The following HIVEP3 variants were observed in gnomAD, a reference collection of about 807,000 sequenced individuals.
The protein encoded by HIVEP3 is transcription factor HIVEP3.
HIVEP3 carries 49 observed loss-of-function variants against 152.8 expected under a neutral mutation model. That is an observed-to-expected ratio of 0.32 (90% confidence interval 0.26 to 0.41). The LOEUF is 0.41. HIVEP3 is among the 10% of genes least tolerant of loss of function. The pLI is 1.00. For synonymous variants in HIVEP3, 1,269 were observed against 1,289.0 expected (o/e 0.98, Z 0.33); for missense variants, 2,790 against 3,103.3 (o/e 0.90, Z 2.40).
At chr1:41,851,037 G>T (rs758160700) in intron 1 of HIVEP3, among the ~76,000 whole-genome samples, 52 of 152,008 alleles carry the variant, frequency 3.4e-4, no homozygotes, top group Non-Finnish European at 6.2e-4. Context: ...CAGTTACACT[G>T]CATCTCATCA....
rs148548472 is a variant in HIVEP3 at position 41,818,060 on chromosome 1, C to T, written c.-801+100353G>A. 1.9e-3 allele frequency among the ~76,000 whole-genome samples: 291 copies of T among 152,154 alleles called. 3 individuals carry two copies. Among genetic ancestry groups the T allele is most frequent in the African/African-American group, 6.8e-3 (283 of 41,486 alleles). ...TATGAAGACTGGGAGAAGGCATCTG[C>T]GATGTCTAAACACAACATACCATCA... On this transcript the variant is annotated intron_variant, in intron 1 of 8. Coordinates refer to ENST00000372583, the MANE Select transcript of HIVEP3 (RefSeq NM_024503.5).
At chr1:42,021,101 A>T (rs1645550748) in intron 1 of HIVEP3, among the ~76,000 whole-genome samples, 1 of 152,208 alleles carries the variant, frequency 6.6e-6, no homozygotes, top group South Asian at 2.1e-4. Flanking sequence ...TGAACAAGCA[A>T]GTAACATGAT....
At chr1:41,615,547 A>G (rs1362357472) in intron 3 of HIVEP3, among the ~76,000 whole-genome samples, 1 of 152,258 alleles carries the variant, frequency 6.6e-6, no homozygotes, top group African/African-American at 2.4e-5. Flanking sequence ...AGGCACCAAG[A>G]CTGCCCAGAA....
chr1:41,662,221 G>T lies in HIVEP3; in HGVS notation c.-720-33274C>A, dbSNP rs1319999872. ...TGGGCTGCGCGCCCGGCCTCCGCGC[G>T]GCTCGGCAGCGCCCGCGCGCTCGGC... On this transcript the variant is annotated intron_variant, in intron 2 of 8. Coordinates refer to ENST00000372583, the MANE Select transcript of HIVEP3 (RefSeq NM_024503.5). The surrounding 1 kb of genome is among the most constrained non-coding windows in gnomAD (Gnocchi z 7.2). 3 of 145,612 alleles carry T rather than the reference G, an allele frequency of 2.1e-5. No individual in the cohort carries two copies. The highest frequency in any genetic ancestry group is 4.6e-5 in the Non-Finnish European group (3 of 65,544). 9.0% of individuals were successfully genotyped at this position (145,612 alleles called of 1,614,324 possible). A position where few individuals can be genotyped will look rare whatever the true frequency, so the allele number is the denominator to read the frequency against.
intron 5 of HIVEP3, among the ~76,000 whole-genome samples, chr1:41,544,823 CACCACCATCACCACCACCACT>C (rs1643654655): frequency 5.5e-5 from 6 of 109,540 alleles, no homozygotes; most frequent in Non-Finnish European, 1.1e-4. Flanking sequence ...CCACCTCTAC[CACCACCATCACCACCACCACT>C]ACCACCACCA....
At chr1:41,953,573 A>G (rs1457074598) in intron 1 of HIVEP3, among the ~76,000 whole-genome samples, 1 of 152,180 alleles carries the variant, frequency 6.6e-6, no homozygotes, top group Non-Finnish European at 1.5e-5. Flanking sequence ...AAGATTTCTT[A>G]CTTGAATTTG....
chr1:41,872,569 C>T (rs921101439), intron 1 of HIVEP3, among the ~76,000 whole-genome samples: 5 of 152,038 alleles, frequency 3.3e-5, no homozygotes, highest in African/African-American at 1.2e-4. Flanking sequence ...TCTATCCCAC[C>T]CCAAGGCAAC....
chr1:41,600,893 G>A (rs2149124187), intron 3 of HIVEP3, among the ~76,000 whole-genome samples: 1 of 152,190 alleles, frequency 6.6e-6, no homozygotes, highest in Admixed American at 6.5e-5. Context: ...AATCCATTTT[G>A]AGTTGATCTT....
chr1:41,773,479 C>T (rs1648504953), intron 1 of HIVEP3, among the ~76,000 whole-genome samples: 1 of 149,482 alleles, frequency 6.7e-6, no homozygotes. Context: ...CATCCTCAAA[C>T]GCTGCCCTGG....
At chr1:41,733,859 C>T (rs1184854446) in intron 1 of HIVEP3, among the ~76,000 whole-genome samples, 1 of 152,188 alleles carries the variant, frequency 6.6e-6, no homozygotes, top group Non-Finnish European at 1.5e-5. Flanking sequence ...CAGTCCTTCT[C>T]CCAGGCTGTT....
chr1:41,995,832 A>G (rs79822174), intron 1 of HIVEP3, among the ~76,000 whole-genome samples: 86 of 152,230 alleles, frequency 5.6e-4, no homozygotes, highest in African/African-American at 2.0e-3. Flanking sequence ...TTTTTCCTTC[A>G]GCTCCATCAC....
intron 1 of HIVEP3, among the ~76,000 whole-genome samples, chr1:41,815,021 T>G (rs1471041406): frequency 6.6e-6 from 1 of 152,056 alleles, no homozygotes; most frequent in Non-Finnish European, 1.5e-5. Context: ...AGACAGTAAA[T>G]AAGTAAATAA....
At chr1:41,896,589 T>G (rs1403447489) in intron 1 of HIVEP3, among the ~76,000 whole-genome samples, 2 of 151,652 alleles carry the variant, frequency 1.3e-5, no homozygotes, top group Non-Finnish European at 2.9e-5. Context: ...TTTTTTTTTT[T>G]TTTGAGACGG....
chr1:41,557,676 G>A lies in HIVEP3; in HGVS notation c.5207+17868C>T, dbSNP rs570824462. On this transcript the variant is annotated intron_variant, in intron 5 of 8. Transcript: ENST00000372583. The stretch of plus-strand genomic sequence containing the variant: ...GCCCAGAGCCTCGTCTCTCTCCAGG[G>A]GTGGGGGGCAGAGGGGCAGCCCCAG... Among the ~76,000 whole-genome samples, 219 of 152,258 alleles carry A rather than the reference G, an allele frequency of 1.4e-3. 1 individual carries two copies. Among genetic ancestry groups the A allele is most frequent in the Non-Finnish European group, 2.2e-3 (150 of 68,008 alleles).
At chr1:41,578,687 A>T (rs1303137179) in intron 4 of HIVEP3, among the ~76,000 whole-genome samples, 1 of 152,252 alleles carries the variant, frequency 6.6e-6, no homozygotes, top group Non-Finnish European at 1.5e-5. Flanking sequence ...TTAAAAGAAG[A>T]AAAATAGACT....
At chr1:41,779,222 A>G (rs1463261143) in intron 1 of HIVEP3, among the ~76,000 whole-genome samples, 2 of 151,796 alleles carry the variant, frequency 1.3e-5, no homozygotes, top group South Asian at 4.2e-4. Context: ...CTCTCCTTGC[A>G]CCAATGAGAG....
intron 1 of HIVEP3, among the ~76,000 whole-genome samples, chr1:41,816,438 G>A (rs1199940684): frequency 2.0e-5 from 3 of 152,194 alleles, no homozygotes; most frequent in African/African-American, 7.2e-5. Context: ...TGTAATCCCA[G>A]CACTTTGGGA....
chr1:41,776,646 T>C (rs895451174), intron 1 of HIVEP3, among the ~76,000 whole-genome samples: 10 of 152,240 alleles, frequency 6.6e-5, no homozygotes, highest in Non-Finnish European at 1.2e-4. Flanking sequence ...TTTTACGATA[T>C]AGTCTTCAGG....
At position 41,766,929 on chromosome 1, in the gene HIVEP3, C is replaced by T. The variant is rs151088787; in HGVS notation, c.-800-65934G>A. Among the ~76,000 whole-genome samples the T allele has an allele frequency of 2.0e-3, 307 of 152,330 alleles. 3 individuals are homozygous for T. The highest frequency in any genetic ancestry group is 6.6e-3 in the African/African-American group (273 of 41,568). ...TGCTAAGCAGTGCCCCAACCAACCC[C>T]GCAGGAGGAAAGACTCCCCAAAATT... On this transcript the variant is annotated intron_variant, in intron 1 of 8. Coordinates refer to ENST00000372583, the MANE Select transcript of HIVEP3 (RefSeq NM_024503.5).
Sources: gnomAD v4.1 joint callset for allele counts (sites outside exome capture counted in the v4.1 genomes callset) on GRCh38, gnomAD v4.1.1 for gene constraint, Gnocchi (gnomAD v3.1) non-coding constraint, MANE v1.5 for transcripts, NCBI Gene and HGNC (gene_info 2026-07-23, HGNC 2026-07-21) for gene names.